Variants in LRP1B observed in about 807,000 individuals in gnomAD.
LRP1B encodes the protein LDL receptor related protein 1B, also known as low-density lipoprotein receptor-related protein 1B.
LRP1B carries 217 observed loss-of-function variants against 556.6 expected under a neutral mutation model. The observed-to-expected ratio is 0.39, with a 90% CI of 0.35 to 0.44. The LOEUF (loss-of-function observed/expected upper bound fraction) is 0.44, where lower values mean the gene tolerates loss of function less well. Among genes scored for constraint, LRP1B ranks in the 20% least tolerant of loss-of-function variants. The pLI is 1.00. For synonymous variants in LRP1B, 2,047 were observed against 1,865.8 expected (o/e 1.10, Z -2.50); for missense variants, 5,053 against 5,620.8 (o/e 0.90, Z 3.23).
intron 25 of LRP1B, among the ~76,000 whole-genome samples, chr2:140,880,286 C>A (rs972468336): frequency 1.4e-4 from 22 of 152,080 alleles, no homozygotes; most frequent in African/African-American, 4.6e-4. Context: ...GAAGTGAGTA[C>A]CTTGTAGATT....
rs552104258 is a variant in LRP1B at position 140,844,485 on chromosome 2, T to C, written c.4940-3393A>G. Among the ~76,000 whole-genome samples, 4 of 151,916 alleles carry C rather than the reference T, an allele frequency of 2.6e-5. No homozygotes were observed. The South Asian group carries it at 8.3e-4, about 32-fold the overall frequency. ...ACTATCAATCACTAATTCCCACATC[T>C]GGTTGTTGCAGAGTGCTCTGGTAAA... On this transcript the variant is annotated intron_variant, in intron 29 of 90. Coordinates refer to ENST00000389484, the MANE Select transcript of LRP1B (RefSeq NM_018557.3).
At chr2:141,074,108 C>G (rs1208737196) in intron 7 of LRP1B, among the ~76,000 whole-genome samples, 1 of 152,066 alleles carries the variant, frequency 6.6e-6, no homozygotes, top group African/African-American at 2.4e-5. Context: ...CCAGTTTCAC[C>G]TAGCAGTATC....
At chr2:140,357,477 T>A (rs1232425205) in intron 74 of LRP1B, among the ~76,000 whole-genome samples, 1 of 151,004 alleles carries the variant, frequency 6.6e-6, no homozygotes, top group Non-Finnish European at 1.5e-5. Flanking sequence ...ATATAAAAAA[T>A]CAAATACCAA....
At chr2:140,600,127 A>T (rs1026116357) in intron 42 of LRP1B, among the ~76,000 whole-genome samples, 11 of 152,104 alleles carry the variant, frequency 7.2e-5, no homozygotes, top group Non-Finnish European at 1.2e-4. Flanking sequence ...AGGATAAAAC[A>T]CTTGCTAATT....
chr2:141,137,974 A>G (rs2105046209), intron 7 of LRP1B, among the ~76,000 whole-genome samples: 1 of 151,974 alleles, frequency 6.6e-6, no homozygotes, highest in South Asian at 2.1e-4. Context: ...AAAATCAGAC[A>G]AAAGTGTTAT....
intron 1 of LRP1B, among the ~76,000 whole-genome samples, chr2:141,870,036 A>C (rs1465899286): frequency 6.6e-6 from 1 of 152,042 alleles, no homozygotes; most frequent in African/African-American, 2.4e-5. Flanking sequence ...AATGTTTAGA[A>C]AAGTGGCTGC....
intron 2 of LRP1B, among the ~76,000 whole-genome samples, chr2:141,755,001 T>C (rs534983778): frequency 1.3e-5 from 2 of 151,944 alleles, no homozygotes; most frequent in Admixed American, 6.6e-5. Context: ...TATCCTCTTA[T>C]ATATATATAA....
chr2:141,660,076 C>A (rs970277938), intron 2 of LRP1B, among the ~76,000 whole-genome samples: 2 of 151,918 alleles, frequency 1.3e-5, no homozygotes, highest in African/African-American at 4.8e-5. Context: ...CGGAGTCTCC[C>A]ACCAAGAAGA....
At chr2:141,243,592 A>G (rs1269228887) in intron 5 of LRP1B, among the ~76,000 whole-genome samples, 1 of 152,186 alleles carries the variant, frequency 6.6e-6, no homozygotes, top group East Asian at 1.9e-4. Context: ...TGTCTCCTAT[A>G]AAAAACTATT....
intron 2 of LRP1B, among the ~76,000 whole-genome samples, chr2:141,619,243 T>A (rs564638688): frequency 6.6e-6 from 1 of 152,220 alleles, no homozygotes. Flanking sequence ...TGAAACACTG[T>A]CCTACCTCTA....
At chr2:141,471,755 A>G (rs1682482315) in intron 3 of LRP1B, among the ~76,000 whole-genome samples, 2 of 152,218 alleles carry the variant, frequency 1.3e-5, no homozygotes, top group Admixed American at 1.3e-4. Flanking sequence ...GAATATTGTC[A>G]CTGCAAACAA....
At chr2:141,095,673 G>T (rs564025414) in intron 7 of LRP1B, among the ~76,000 whole-genome samples, 3 of 151,994 alleles carry the variant, frequency 2.0e-5, no homozygotes, top group South Asian at 4.2e-4. Context: ...GTTGTACTAT[G>T]GTACAATTAA....
At chr2:141,163,388 C>G (rs1003125606) in intron 7 of LRP1B, among the ~76,000 whole-genome samples, 1 of 152,008 alleles carries the variant, frequency 6.6e-6, no homozygotes, top group Non-Finnish European at 1.5e-5. Context: ...CGTCATTTTA[C>G]AGTACAAGAT....
chr2:141,289,555 A>G (rs1213936818), intron 3 of LRP1B, among the ~76,000 whole-genome samples: 3 of 152,114 alleles, frequency 2.0e-5, no homozygotes, highest in Non-Finnish European at 4.4e-5. Context: ...TTCATATTTA[A>G]TATTGAGGCA....
chr2:140,511,292 C>CTTTTTTTTTTTT lies in LRP1B; in HGVS notation c.8270-1248_8270-1237dup, dbSNP rs70985101. On this transcript the variant is annotated intron_variant, in intron 51 of 90. Transcript: ENST00000389484. ...TATCAAAATACAATCCTCTAAGGGT[C>CTTTTTTTTTTTT]TTTTTTTTTTTTTTTTTTTTTTTTT... Among the ~76,000 whole-genome samples the CTTTTTTTTTTTT allele has an allele frequency of 2.7e-4, 16 of 58,456 alleles. 3 individuals carry two copies. Among genetic ancestry groups the CTTTTTTTTTTTT allele is most frequent in the African/African-American group, 1.1e-3 (16 of 14,238 alleles). The allele number at this position is 58,456 out of a possible 152,430, so 38.3% of individuals were successfully genotyped here.
At chr2:141,828,215 T>G (rs1404480088) in intron 1 of LRP1B, among the ~76,000 whole-genome samples, 2 of 152,166 alleles carry the variant, frequency 1.3e-5, no homozygotes, top group East Asian at 3.8e-4. Flanking sequence ...GTTAATATTA[T>G]TGTGTATCTT....
intron 2 of LRP1B, among the ~76,000 whole-genome samples, chr2:141,773,526 G>A (rs1694966494): frequency 6.6e-6 from 1 of 152,220 alleles, no homozygotes; most frequent in African/African-American, 2.4e-5. Flanking sequence ...AGAGGACAAG[G>A]TGAATACCTA....
intron 3 of LRP1B, among the ~76,000 whole-genome samples, chr2:141,448,227 C>T (rs1345609987): frequency 1.3e-5 from 2 of 152,140 alleles, no homozygotes; most frequent in Non-Finnish European, 1.5e-5. Context: ...AGGGGAAAAC[C>T]ATCTACTCAA....
chr2:140,409,401 A>T (rs1684878496), intron 66 of LRP1B, among the ~76,000 whole-genome samples: 1 of 152,036 alleles, frequency 6.6e-6, no homozygotes, highest in African/African-American at 2.4e-5. Flanking sequence ...GACTGGAAGT[A>T]AATAATTTTT....
Sources: allele counts gnomAD v4.1 joint callset (sites outside exome capture counted in the v4.1 genomes callset), GRCh38; gene constraint gnomAD v4.1.1; transcripts MANE v1.5; gene names NCBI Gene and HGNC (gene_info 2026-07-23, HGNC 2026-07-21).